The following PROS1 variants were observed in gnomAD, a reference collection of about 807,000 sequenced individuals.
PROS1 encodes vitamin K-dependent protein S.
PROS1 carries 29 observed loss-of-function variants against 75.9 expected under a neutral mutation model. That is an observed-to-expected ratio of 0.38 (90% CI 0.28 to 0.52). The LOEUF (loss-of-function observed/expected upper bound fraction) is 0.52, where lower values mean the gene tolerates loss of function less well. PROS1 is among the 20% of genes least tolerant of loss of function. The pLI is 0.83. For synonymous variants in PROS1, 245 were observed against 280.6 expected (o/e 0.87, Z 1.27); for missense variants, 680 against 810.3 (o/e 0.84, Z 1.95).
At chr3:93,952,518 C>A (rs1709519422) in intron 1 of PROS1, among the ~76,000 whole-genome samples, 1 of 152,142 alleles carries the variant, frequency 6.6e-6, no homozygotes, top group Admixed American at 6.5e-5. Flanking sequence ...TAAAGATGTT[C>A]TTTGAAACCA....
chr3:93,898,821 A>G (rs1016699523), intron 7 of PROS1, among the ~76,000 whole-genome samples: 7 of 152,154 alleles, frequency 4.6e-5, no homozygotes, highest in African/African-American at 1.7e-4. Flanking sequence ...TAAGTAAAGT[A>G]TAACAATTCT....
At chr3:93,955,582 G>T (rs1187970192) in intron 1 of PROS1, among the ~76,000 whole-genome samples, 1 of 151,982 alleles carries the variant, frequency 6.6e-6, no homozygotes, top group Non-Finnish European at 1.5e-5. Flanking sequence ...GTCATGGGAT[G>T]GGGGGAGGGG....
intron 1 of PROS1, among the ~76,000 whole-genome samples, chr3:93,944,225 C>T (rs1390385096): frequency 6.6e-6 from 1 of 152,142 alleles, no homozygotes; most frequent in South Asian, 2.1e-4. Flanking sequence ...AAAACTACAC[C>T]TGCCACCTAA....
chr3:93,926,727 A>G (rs1400553292), intron 2 of PROS1, among the ~76,000 whole-genome samples: 1 of 152,200 alleles, frequency 6.6e-6, no homozygotes, highest in African/African-American at 2.4e-5. Flanking sequence ...GCGCACACGC[A>G]CACACACACA....
chr3:93,906,307 G>C (rs1227268540), intron 4 of PROS1, among the ~76,000 whole-genome samples, 164 bp from the exon 5 acceptor site: 1 of 152,130 alleles, frequency 6.6e-6, no homozygotes, highest in Non-Finnish European at 1.5e-5. Context: ...GAGCCTATTA[G>C]GCAAATCTTT....
intron 1 of PROS1, among the ~76,000 whole-genome samples, chr3:93,949,615 C>T (rs1709460809): frequency 6.6e-6 from 1 of 151,806 alleles, no homozygotes; most frequent in Non-Finnish European, 1.5e-5. Flanking sequence ...AGAAAAAAAG[C>T]TCTACTAAAA....
chr3:93,905,803 T>G lies in PROS1; in HGVS notation c.582A>C (p.Ser194=), dbSNP rs1194966932. Residue 194 remains serine, a synonymous_variant, in exon 6 of 15, where the codon TCA becomes TCC. Coordinates refer to ENST00000394236, the MANE Select transcript of PROS1 (RefSeq NM_000313.4). ...CSCKNGFVML[S]NKKDCKDVDE... ...TCTTACCTTTACAATCTTTCTTATT[T>G]GAAAGCATAACAAAACCATTTTTAC... 1.2e-6 allele frequency: 2 copies of G among 1,612,278 alleles called. No homozygotes were observed.
chr3:93,931,828 C>T (rs1576201041), intron 1 of PROS1, among the ~76,000 whole-genome samples: 1 of 152,364 alleles, frequency 6.6e-6, no homozygotes, highest in East Asian at 1.9e-4. Context: ...CCCGCTGCCA[C>T]AGCTCATACT....
chr3:93,969,244 G>T (rs1352376151), intron 1 of PROS1, among the ~76,000 whole-genome samples: 1 of 150,674 alleles, frequency 6.6e-6, no homozygotes, highest in Non-Finnish European at 1.5e-5. Context: ...CCTAGGAAAT[G>T]GAAGCCTCAA....
At chr3:93,908,287 G>A (rs1008688304) in intron 4 of PROS1, among the ~76,000 whole-genome samples, 5 of 152,168 alleles carry the variant, frequency 3.3e-5, no homozygotes, top group African/African-American at 9.7e-5. Context: ...GGAGAACACC[G>A]TAATTCCTAA....
chr3:93,970,228 A>G (rs1709856323), intron 1 of PROS1, among the ~76,000 whole-genome samples: 1 of 152,226 alleles, frequency 6.6e-6, no homozygotes, highest in Admixed American at 6.5e-5. Context: ...CCAGGGTGGC[A>G]GTCTAGATAA....
intron 3 of PROS1, among the ~76,000 whole-genome samples, chr3:93,916,056 A>G (rs1708842859): frequency 6.6e-6 from 1 of 152,208 alleles, no homozygotes; most frequent in Admixed American, 6.5e-5. Context: ...GGGAAGTCCA[A>G]TATTAAGGTG....
intron 9 of PROS1, among the ~76,000 whole-genome samples, chr3:93,893,427 T>G (rs1477709412): frequency 2.0e-5 from 3 of 152,226 alleles, no homozygotes; most frequent in African/African-American, 7.2e-5. Context: ...ACCTTCCAAA[T>G]GCTGAAATTA....
At chr3:93,924,856 A>G (rs1708993672) in intron 2 of PROS1, among the ~76,000 whole-genome samples, 1 of 151,762 alleles carries the variant, frequency 6.6e-6, no homozygotes, top group Admixed American at 6.6e-5. Context: ...ATTTTTTTGT[A>G]GAGATGGGGT....
chr3:93,948,479 C>T (rs750246765), intron 1 of PROS1, among the ~76,000 whole-genome samples: 3 of 152,082 alleles, frequency 2.0e-5, no homozygotes, highest in Non-Finnish European at 4.4e-5. Context: ...CTTTCTGTCT[C>T]GCTGATCTGT....
intron 14 of PROS1, among the ~76,000 whole-genome samples, chr3:93,876,735 G>T (rs1708195374): frequency 6.6e-6 from 1 of 151,842 alleles, no homozygotes; most frequent in African/African-American, 2.4e-5. Flanking sequence ...TTTCTGGCTG[G>T]GATAGCCAAA....
At chr3:93,966,154 T>C (rs534774199) in intron 1 of PROS1, among the ~76,000 whole-genome samples, 1 of 152,208 alleles carries the variant, frequency 6.6e-6, no homozygotes, top group South Asian at 2.1e-4. Context: ...TCAGGGGTGG[T>C]CCTGAGAGGC....
Position 93,933,241 on chromosome 3 carries a change from C to T in PROS1, c.77-5834G>A, listed in dbSNP as rs1381208642. 2.6e-5 allele frequency among the ~76,000 whole-genome samples: 4 copies of T among 152,298 alleles called. No individual in the cohort carries two copies. The East Asian group carries it at 7.7e-4, about 29-fold the overall frequency. On this transcript the variant is annotated intron_variant, in intron 1 of 14. Transcript: ENST00000394236. ...GTTGATACTTTGAGACATAACTGTGCTTCACAAGTCTCAATTGATGAAACA... is the reference window on the plus strand; with the variant it reads ...GTTGATACTTTGAGACATAACTGTGTTTCACAAGTCTCAATTGATGAAACA...
intron 3 of PROS1, among the ~76,000 whole-genome samples, chr3:93,922,919 T>C (rs1708963463): frequency 6.6e-6 from 1 of 152,224 alleles, no homozygotes; most frequent in African/African-American, 2.4e-5. Flanking sequence ...AGAATACATC[T>C]GAAGAAATTT....
Sources: gnomAD v4.1 joint callset for allele counts (sites outside exome capture counted in the v4.1 genomes callset) on GRCh38, gnomAD v4.1.1 for gene constraint, MANE v1.5 for transcripts, NCBI Gene and HGNC (gene_info 2026-07-23, HGNC 2026-07-21) for gene names.